The following AFG3L2 variants were observed in gnomAD, a reference collection of about 807,000 sequenced individuals.
The protein encoded by AFG3L2 is mitochondrial inner membrane m-AAA protease component AFG3L2.
AFG3L2 carries 54 observed loss-of-function variants against 94.5 expected under a neutral mutation model. That is an observed-to-expected ratio of 0.57 (90% confidence interval 0.46 to 0.72). The LOEUF is 0.72. AFG3L2 is among the 30% of genes least tolerant of loss of function. The pLI is 0.00. For missense variants in AFG3L2, 754 were observed against 994.9 expected (o/e 0.76, Z 3.26); for synonymous variants, 377 against 365.5 (o/e 1.03, Z -0.36).
intron 13 of AFG3L2, among the ~76,000 whole-genome samples, chr18:12,347,495 T>G (rs1466512964): frequency 6.6e-6 from 1 of 152,204 alleles, no homozygotes; most frequent in East Asian, 1.9e-4. Flanking sequence ...CTATGCTGAC[T>G]GAGGAAGCAC....
Position 12,359,907 on chromosome 18 carries a change from A to G in AFG3L2, c.752+20T>C. On this transcript the variant is annotated intron_variant, in intron 7 of 16. Transcript: ENST00000269143. ...AGGCAGCACAGTCAACAGTCTACAAAATATTATATTTGAGATTACCCATCA... is the reference window on the plus strand; with the variant it reads ...AGGCAGCACAGTCAACAGTCTACAAGATATTATATTTGAGATTACCCATCA... 1 of 1,612,340 alleles carries G rather than the reference A, an allele frequency of 6.2e-7. No homozygotes were observed. Among genetic ancestry groups the G allele is most frequent in the Non-Finnish European group, 8.5e-7 (1 of 1,179,862 alleles).
intron 5 of AFG3L2, 24 bp from the exon 6 acceptor site, chr18:12,363,880 C>T: frequency 6.6e-7 from 1 of 1,511,044 alleles, no homozygotes; most frequent in Non-Finnish European, 9.2e-7. Flanking sequence ...AATAAATTCA[C>T]ACATAAATTC....
At position 12,337,649 on chromosome 18, in the gene AFG3L2, G is replaced by C; in HGVS notation, c.1981-114C>G. On this transcript the variant is annotated intron_variant, in intron 15 of 16. Transcript: ENST00000269143. ...ACAAAGGTGCTCTGTGTAGCCAGCA[G>C]CAGCAGCAGCAGCAGCACAGTGCTT... 5 of 835,102 alleles carry C rather than the reference G, an allele frequency of 6.0e-6. No homozygotes were observed. In the Admixed American group the frequency reaches 9.9e-5, roughly 17 times the overall value. The allele number at this position is 835,102 out of a possible 1,614,324, so 51.7% of individuals were successfully genotyped here. A position where few individuals can be genotyped will look rare whatever the true frequency, so the allele number is the denominator to read the frequency against.
intron 8 of AFG3L2, among the ~76,000 whole-genome samples, chr18:12,357,289 C>T (rs1334444826): frequency 6.6e-6 from 1 of 152,136 alleles, no homozygotes; most frequent in Non-Finnish European, 1.5e-5. Flanking sequence ...CTTTCATGTA[C>T]AAATCAGTAC....
chr18:12,361,827 C>G (rs1908670863), intron 6 of AFG3L2, among the ~76,000 whole-genome samples: 1 of 152,092 alleles, frequency 6.6e-6, no homozygotes, highest in African/African-American at 2.4e-5. Context: ...AATTATTCAC[C>G]AACAAAGATA....
intron 13 of AFG3L2, among the ~76,000 whole-genome samples, chr18:12,345,454 G>A (rs1164646275): frequency 6.6e-6 from 1 of 152,222 alleles, no homozygotes; most frequent in Non-Finnish European, 1.5e-5. Context: ...AAGGAGACTG[G>A]AAGACAAAAA....
At chr18:12,347,873 C>A (rs1908194855) in intron 13 of AFG3L2, among the ~76,000 whole-genome samples, 2 of 152,166 alleles carry the variant, frequency 1.3e-5, no homozygotes, top group South Asian at 2.1e-4. Flanking sequence ...ACACCCATCA[C>A]CTGTATCTAG....
chr18:12,347,573 C>A (rs535320773), intron 13 of AFG3L2, among the ~76,000 whole-genome samples: 277 of 147,378 alleles, frequency 1.9e-3, no homozygotes, highest in African/African-American at 5.6e-3. Context: ...TTTTTTGAGA[C>A]AGAGACTTAC....
intron 16 of AFG3L2, among the ~76,000 whole-genome samples, chr18:12,331,199 G>A (rs919970378): frequency 6.6e-6 from 1 of 152,172 alleles, no homozygotes; most frequent in African/African-American, 2.4e-5. Context: ...GAGCAGGTAT[G>A]CAGCCTAGGA....
intron 3 of AFG3L2, 95 bp downstream of exon 3, chr18:12,370,754 C>A: frequency 1.1e-6 from 1 of 878,310 alleles, no homozygotes; most frequent in Non-Finnish European, 1.8e-6. Flanking sequence ...ACACTGTGCC[C>A]GGCCTGATAA....
intron 16 of AFG3L2, among the ~76,000 whole-genome samples, chr18:12,330,262 G>A (rs1288870308): frequency 6.6e-6 from 1 of 151,666 alleles, no homozygotes; most frequent in South Asian, 2.1e-4. Context: ...GGAGGCGGAG[G>A]TTGCAGTGAG....
At chr18:12,355,466 T>C (rs777547431) in intron 9 of AFG3L2, among the ~76,000 whole-genome samples, 6 of 152,200 alleles carry the variant, frequency 3.9e-5, no homozygotes, top group African/African-American at 1.2e-4. Flanking sequence ...CCCTTACACA[T>C]TGCTGGTAGG....
intron 1 of AFG3L2, among the ~76,000 whole-genome samples, 153 bp from the exon 2 acceptor site, chr18:12,371,844 T>C (rs1036179514): frequency 4.6e-5 from 7 of 152,166 alleles, no homozygotes; most frequent in African/African-American, 1.4e-4. Flanking sequence ...AGGACTAGGA[T>C]TACCTAGCAC....
At chr18:12,358,438 T>G (rs906746424) in intron 8 of AFG3L2, among the ~76,000 whole-genome samples, 2 of 152,036 alleles carry the variant, frequency 1.3e-5, no homozygotes, top group Non-Finnish European at 2.9e-5. Flanking sequence ...ATCAAGAAAA[T>G]CTTCCAAGAG....
rs557961045 is a variant in AFG3L2 at position 12,352,593 on chromosome 18, G to A, written c.1318+412C>T. On this transcript the variant is annotated intron_variant, in intron 10 of 16. Transcript: ENST00000269143. ...TGGTGATGATTTAGAGAATGAGATG[G>A]TAATTCTTTTGTGACTCATTTCACC... is the stretch of plus-strand genomic sequence containing the variant. 7.0e-4 allele frequency among the ~76,000 whole-genome samples: 106 copies of A among 152,236 alleles called. 1 individual carries two copies. Among genetic ancestry groups the A allele is most frequent in the Non-Finnish European group, 1.2e-3 (80 of 68,022 alleles).
At chr18:12,348,511 A>G in intron 12 of AFG3L2, 128 bp from the exon 13 acceptor site, 1 of 755,730 alleles carries the variant, frequency 1.3e-6, no homozygotes, top group African/African-American at 1.7e-5. Context: ...TTTTGTGTAA[A>G]TATAATTCTG....
At chr18:12,347,551 ATTAT>A (rs1908182264) in intron 13 of AFG3L2, among the ~76,000 whole-genome samples, 1 of 45,482 alleles carries the variant, frequency 2.2e-5, no homozygotes, top group Non-Finnish European at 6.5e-5. Flanking sequence ...ATTTATTATT[ATTAT>A]TTTTTTTTTT....
In AFG3L2 at chr18:12,359,316, G is replaced by A. The variant is rs28372881; in HGVS notation, c.753-373C>T. On this transcript the variant is annotated intron_variant, in intron 7 of 16. Coordinates refer to ENST00000269143, the MANE Select transcript of AFG3L2 (RefSeq NM_006796.3). ...TGGGAATGGCACTCTTTGATACAAA[G>A]GGGTTCTTTATGCTAAAATCCTACC... Among the ~76,000 whole-genome samples the A allele has an allele frequency of 4.1e-4, 63 of 152,162 alleles. No homozygotes were observed. The East Asian group carries it at 0.012, about 28-fold the overall frequency.
At chr18:12,357,954 CTAAG>C (rs922580709) in intron 8 of AFG3L2, among the ~76,000 whole-genome samples, 4 of 152,060 alleles carry the variant, frequency 2.6e-5, no homozygotes, top group South Asian at 4.2e-4. Flanking sequence ...CAAACGGGTA[CTAAG>C]TAAGTTATAA....
Sources: gnomAD v4.1 joint callset for allele counts (sites outside exome capture counted in the v4.1 genomes callset) on GRCh38, gnomAD v4.1.1 for gene constraint, MANE v1.5 for transcripts, NCBI Gene and HGNC (gene_info 2026-07-23, HGNC 2026-07-21) for gene names.